Variants in PEPD observed in about 807,000 individuals in gnomAD.
The protein encoded by PEPD is peptidase D, also known as xaa-Pro dipeptidase.
PEPD carries 53 observed loss-of-function variants against 60.7 expected under a neutral mutation model. The ratio of observed to expected loss-of-function variants is 0.87; its 90% CI spans 0.70 to 1.10. The LOEUF is 1.10. PEPD is among the 50% of genes least tolerant of loss of function. The pLI, the probability that PEPD is intolerant of heterozygous loss-of-function variation, is 0.00. For synonymous variants in PEPD, 267 were observed against 284.1 expected (o/e 0.94, Z 0.60); for missense variants, 711 against 711.9 (o/e 1.00, Z 0.01).
chr19:33,426,917 T>C (rs1213942094), intron 9 of PEPD, among the ~76,000 whole-genome samples: 3 of 152,178 alleles, frequency 2.0e-5, no homozygotes, highest in Non-Finnish European at 1.5e-5. Flanking sequence ...CCAGACACCA[T>C]CTGTCAGGGC....
intron 9 of PEPD, among the ~76,000 whole-genome samples, chr19:33,461,685 C>A (rs1281506165): frequency 1.3e-5 from 2 of 152,228 alleles, no homozygotes; most frequent in Non-Finnish European, 2.9e-5. Flanking sequence ...TCCAGCCCAC[C>A]TCGCTGGAGG....
intron 11 of PEPD, among the ~76,000 whole-genome samples, chr19:33,403,476 G>A (rs890662215): frequency 2.6e-5 from 4 of 152,304 alleles, no homozygotes; most frequent in South Asian, 2.1e-4. Context: ...TCCGTCACGA[G>A]GGCCTCTCAC....
chr19:33,464,034 C>G lies in PEPD; in HGVS notation c.577G>C (p.Glu193Gln). ...ATTTTATTGGTATAGCGCAGAACCT[C>G]CAGCTCCATATCCGTCTTAAACACT... The part of the protein sequence containing the change: ...CRVFKTDMEL[E>Q]VLRYTNKISS... Residue 193 changes from glutamate (E) to glutamine (Q), a missense_variant, in exon 8 of 15, where the codon GAG becomes CAG. Coordinates refer to ENST00000244137, the MANE Select transcript of PEPD (RefSeq NM_000285.4). The G allele has an allele frequency of 6.2e-7, 1 of 1,613,530 alleles. No homozygotes were observed. The highest frequency in any genetic ancestry group is 8.5e-7 in the Non-Finnish European group (1 of 1,179,572).
In PEPD at chr19:33,477,836, G is replaced by A. The variant is rs150070848; in HGVS notation, c.548+210C>T. Among the ~76,000 whole-genome samples, 212 of 152,320 alleles carry A rather than the reference G, an allele frequency of 1.4e-3. 1 individual carries two copies. The highest frequency in any genetic ancestry group is 4.3e-3 in the African/African-American group (180 of 41,564). On this transcript the variant is annotated intron_variant, in intron 7 of 14. Coordinates refer to ENST00000244137, the MANE Select transcript of PEPD (RefSeq NM_000285.4). ...GCAAATAAGGGAAATAAGTTTAACT[G>A]ATGTTTAAGTGACTCACGTCCTTTC...
chr19:33,390,899 A>C (rs187435237), intron 13 of PEPD, among the ~76,000 whole-genome samples: 129 of 152,096 alleles, frequency 8.5e-4, no homozygotes, highest in African/African-American at 2.8e-3. Flanking sequence ...TCAACTCCCC[A>C]CGCCCCAGGT....
chr19:33,487,225 TG>T (rs1970413525), intron 6 of PEPD: 1 of 151,104 alleles, frequency 6.6e-6, no homozygotes, highest in Admixed American at 6.6e-5. Flanking sequence ...CCTGGGTGAG[TG>T]GAAGGCAGGG....
chr19:33,505,632 G>T (rs1253157134), intron 3 of PEPD, among the ~76,000 whole-genome samples: 1 of 151,748 alleles, frequency 6.6e-6, no homozygotes, highest in Non-Finnish European at 1.5e-5. Context: ...ACACTTAGTG[G>T]GGCAGAGCTG....
chr19:33,521,318 C>G lies in PEPD; in HGVS notation c.17+426G>C, dbSNP rs111574199. 2.1e-3 allele frequency among the ~76,000 whole-genome samples: 317 copies of G among 152,362 alleles called. 2 individuals are homozygous for G. Among genetic ancestry groups the G allele is most frequent in the African/African-American group, 6.7e-3 (280 of 41,586 alleles). Reference sequence around the variant, plus strand: ...TCCCTGAGGGGGTGACATTTGGCCCCTGAAAGAAATGGGGAAGTGCCCTGC... The same window carrying G: ...TCCCTGAGGGGGTGACATTTGGCCCGTGAAAGAAATGGGGAAGTGCCCTGC... On this transcript the variant is annotated intron_variant, in intron 1 of 14. Transcript: ENST00000244137.
chr19:33,420,675 C>T (rs1465383813), intron 9 of PEPD, among the ~76,000 whole-genome samples: 4 of 151,792 alleles, frequency 2.6e-5, no homozygotes, highest in Non-Finnish European at 4.4e-5. Context: ...GCACTCCAGC[C>T]TGGGCGACAA....
intron 9 of PEPD, among the ~76,000 whole-genome samples, chr19:33,461,853 G>A (rs867229596): frequency 6.6e-6 from 1 of 152,198 alleles, no homozygotes; most frequent in Non-Finnish European, 1.5e-5. Context: ...GACGGAGCTG[G>A]GCTTCTGATT....
At chr19:33,453,317 A>AAAATAAAT (rs146067299) in intron 9 of PEPD, among the ~76,000 whole-genome samples, 11,269 of 148,696 alleles carry the variant, frequency 0.076, 646 homozygotes, top group Admixed American at 0.16. Flanking sequence ...CTGTCATAAA[A>AAAATAAAT]AAATAAATAA....
intron 7 of PEPD, among the ~76,000 whole-genome samples, chr19:33,470,307 T>A (rs902475310): frequency 6.6e-6 from 1 of 152,116 alleles, no homozygotes; most frequent in African/African-American, 2.4e-5. Flanking sequence ...TCGTTTCCAG[T>A]GGCCTTTAGG....
chr19:33,401,995 A>G (rs1384652308), intron 11 of PEPD, 126 bp from the exon 12 acceptor site: 2 of 853,878 alleles, frequency 2.3e-6, no homozygotes, highest in Non-Finnish European at 3.9e-6. Flanking sequence ...TCCCCCTCAC[A>G]ATGAGACCGG....
chr19:33,494,664 G>A (rs1380512612), intron 4 of PEPD, among the ~76,000 whole-genome samples: 2 of 152,188 alleles, frequency 1.3e-5, no homozygotes, highest in Non-Finnish European at 2.9e-5. Flanking sequence ...CGCTGAAGAC[G>A]GCCTGTGCCA....
At chr19:33,442,995 T>C (rs1969513926) in intron 9 of PEPD, among the ~76,000 whole-genome samples, 1 of 152,164 alleles carries the variant, frequency 6.6e-6, no homozygotes, top group African/African-American at 2.4e-5. Context: ...ACACAGTAGG[T>C]GCATCATAAA....
intron 9 of PEPD, among the ~76,000 whole-genome samples, chr19:33,429,502 G>A (rs1363657259): frequency 6.6e-6 from 1 of 152,222 alleles, no homozygotes; most frequent in Non-Finnish European, 1.5e-5. Context: ...ACGAAACCAT[G>A]TGGATACACA....
In PEPD at chr19:33,414,689, T is replaced by C. The variant is rs541153439; in HGVS notation, c.672-1046A>G. On this transcript the variant is annotated intron_variant, in intron 9 of 14. Transcript: ENST00000244137. ...CCAGGCCTGCCTTAGAGAACGTCCA[T>C]ACGAGGGAGTTTCATCTTCTAGGCA... is the stretch of plus-strand genomic sequence containing the variant. Among the ~76,000 whole-genome samples, 81 of 149,874 alleles carry C rather than the reference T, an allele frequency of 5.4e-4. 3 individuals carry two copies. The highest frequency in any genetic ancestry group is 8.4e-4 in the South Asian group (4 of 4,780).
chr19:33,435,617 C>G (rs919456044), intron 9 of PEPD, among the ~76,000 whole-genome samples: 12 of 152,382 alleles, frequency 7.9e-5, no homozygotes, highest in African/African-American at 2.2e-4. Context: ...GCACGCCTCT[C>G]TGGCCTCAGG....
chr19:33,476,378 C>G (rs985550103), intron 7 of PEPD, among the ~76,000 whole-genome samples: 6 of 152,232 alleles, frequency 3.9e-5, no homozygotes, highest in African/African-American at 7.2e-5. Flanking sequence ...AGTCCCAGAT[C>G]TGCCCCGGTA....
Sources: gnomAD v4.1 joint callset for allele counts (sites outside exome capture counted in the v4.1 genomes callset) on GRCh38, gnomAD v4.1.1 for gene constraint, MANE v1.5 for transcripts, NCBI Gene and HGNC (gene_info 2026-07-23, HGNC 2026-07-21) for gene names.